Variants in SNTG1 observed in about 807,000 individuals in gnomAD.
The protein encoded by SNTG1 is gamma-1-syntrophin.
Under a neutral mutation model 74.7 loss-of-function variants are expected in SNTG1, and 39 were observed. The observed-to-expected ratio is 0.52, with a 90% confidence interval of 0.40 to 0.68. The LOEUF is 0.68. Ranked by LOEUF, SNTG1 falls within the 30% of genes least tolerant of loss-of-function variation. The pLI is 0.00. For synonymous variants in SNTG1, 254 were observed against 217.1 expected, an observed-to-expected ratio of 1.17 and a Z score of -1.49; for missense variants, 685 against 609.5, an observed-to-expected ratio of 1.12 and a Z score of -1.30.
At chr8:50,023,608 A>G (rs1817013358) in intron 1 of SNTG1, among the ~76,000 whole-genome samples, 1 of 152,126 alleles carries the variant, frequency 6.6e-6, no homozygotes, top group Admixed American at 6.6e-5. Flanking sequence ...AAATTTTAGT[A>G]GGCTGCTAAG....
intron 2 of SNTG1, among the ~76,000 whole-genome samples, chr8:50,356,955 G>T (rs1050980001): frequency 6.6e-6 from 1 of 152,190 alleles, no homozygotes; most frequent in African/African-American, 2.4e-5. Context: ...AGCTGGACAT[G>T]GGTTCTGTTT....
chr8:50,507,961 A>G (rs1194885664), intron 9 of SNTG1, among the ~76,000 whole-genome samples: 2 of 150,300 alleles, frequency 1.3e-5, no homozygotes, highest in African/African-American at 4.9e-5. Flanking sequence ...GTACATGTAC[A>G]CAACGTGCAG....
intron 2 of SNTG1, among the ~76,000 whole-genome samples, chr8:50,344,334 G>A (rs753042514): frequency 6.6e-6 from 1 of 152,180 alleles, no homozygotes; most frequent in Non-Finnish European, 1.5e-5. Context: ...ATCTCCAGCT[G>A]GAGCAAGGCT....
chr8:50,467,681 C>T (rs2093620003), intron 8 of SNTG1, among the ~76,000 whole-genome samples: 1 of 151,626 alleles, frequency 6.6e-6, no homozygotes, highest in African/African-American at 2.4e-5. Flanking sequence ...TTTCTTTTTA[C>T]TTTAGGCTTT....
rs772582940 is a variant in SNTG1, at chr8:50,402,199, T to G, written c.28-11T>G. 1 of 1,582,008 alleles carries G rather than the reference T, an allele frequency of 6.3e-7. No homozygotes were observed. Among genetic ancestry groups the G allele is most frequent in the Non-Finnish European group, 8.5e-7 (1 of 1,171,830 alleles). On this transcript the variant is annotated splice_polypyrimidine_tract_variant and intron_variant, in intron 3 of 18. Coordinates refer to ENST00000642720, the MANE Select transcript of SNTG1 (RefSeq NM_018967.5). ...ATTTTTCCTCTGTTTGTTTTTTTTT[T>G]TAATCTGAAGACAAAGACAGGAATT...
intron 1 of SNTG1, among the ~76,000 whole-genome samples, chr8:50,080,089 A>G (rs1044687283): frequency 2.6e-5 from 4 of 152,128 alleles, no homozygotes; most frequent in African/African-American, 9.7e-5. Context: ...AACACAATGT[A>G]TATTTATGGT....
intron 12 of SNTG1, among the ~76,000 whole-genome samples, chr8:50,590,140 T>C (rs537142963): frequency 6.1e-4 from 93 of 152,264 alleles, no homozygotes; most frequent in Non-Finnish European, 1.2e-3. Context: ...GATTTATAAA[T>C]GAAAATAGTC....
chr8:50,719,123 G>GA (rs1391978149), intron 17 of SNTG1, among the ~76,000 whole-genome samples: 4 of 152,056 alleles, frequency 2.6e-5, no homozygotes, highest in Non-Finnish European at 5.9e-5. Flanking sequence ...CATGTTTGCA[G>GA]AAAAAAGCAA....
intron 1 of SNTG1, among the ~76,000 whole-genome samples, chr8:50,058,093 C>T (rs143044362): frequency 6.6e-6 from 1 of 152,182 alleles, no homozygotes; most frequent in Non-Finnish European, 1.5e-5. Flanking sequence ...AATCCCAAGT[C>T]TGAAAGAGAT....
chr8:50,140,110 G>T (rs898219834), intron 1 of SNTG1, among the ~76,000 whole-genome samples: 4 of 152,298 alleles, frequency 2.6e-5, no homozygotes, highest in African/African-American at 9.6e-5. Flanking sequence ...CAGTTTATTT[G>T]ATAAAAAATA....
At chr8:50,656,444 A>G (rs918382067) in intron 13 of SNTG1, among the ~76,000 whole-genome samples, 2 of 152,140 alleles carry the variant, frequency 1.3e-5, no homozygotes, top group African/African-American at 2.4e-5. Context: ...CACAGAGGAG[A>G]AGTGGTGTGC....
At chr8:50,248,649 C>T (rs963814967) in intron 2 of SNTG1, among the ~76,000 whole-genome samples, 1 of 152,082 alleles carries the variant, frequency 6.6e-6, no homozygotes, top group Non-Finnish European at 1.5e-5. Context: ...CTATCTCTAT[C>T]TAGATATATC....
intron 14 of SNTG1, 150 bp downstream of exon 14, chr8:50,657,175 A>T (rs2095187906): frequency 2.3e-6 from 1 of 426,194 alleles, no homozygotes; most frequent in Non-Finnish European, 4.1e-6. Context: ...TAACTTACTA[A>T]AATATATATT....
intron 4 of SNTG1, among the ~76,000 whole-genome samples, chr8:50,416,839 T>A (rs886252570): frequency 2.1e-5 from 3 of 140,814 alleles, no homozygotes; most frequent in African/African-American, 7.9e-5. Context: ...ATGGATCCCA[T>A]TACCCTGCAT....
intron 2 of SNTG1, among the ~76,000 whole-genome samples, chr8:50,340,806 T>G (rs1024386494): frequency 3.6e-4 from 54 of 151,950 alleles, no homozygotes; most frequent in Non-Finnish European, 4.0e-4. Context: ...TGATGCACTC[T>G]GTAAGTCTAG....
intron 13 of SNTG1, among the ~76,000 whole-genome samples, chr8:50,651,625 T>C (rs1446430413): frequency 2.0e-5 from 3 of 150,334 alleles, no homozygotes; most frequent in African/African-American, 7.4e-5. Context: ...GCCCAACTAA[T>C]TTTGTATTTT....
At chr8:50,792,080 AT>A (rs33919155) in intron 18 of SNTG1, among the ~76,000 whole-genome samples, 16,276 of 142,696 alleles carry the variant, frequency 0.11, 1,490 homozygotes, top group African/African-American at 0.26. Flanking sequence ...GCTCTAGTTT[AT>A]TTTTTTTTTT....
chr8:50,125,132 A>G (rs2131371767), intron 1 of SNTG1, among the ~76,000 whole-genome samples: 1 of 142,440 alleles, frequency 7.0e-6, no homozygotes, highest in East Asian at 2.0e-4. Context: ...TTATGTGAAT[A>G]CAAAGCAATT....
intron 2 of SNTG1, among the ~76,000 whole-genome samples, chr8:50,208,265 A>G (rs773441743): frequency 3.3e-5 from 5 of 152,174 alleles, no homozygotes; most frequent in African/African-American, 1.2e-4. Context: ...TTGGGTGCAT[A>G]TATATTTAGG....
Sources: gnomAD v4.1 joint callset for allele counts (sites outside exome capture counted in the v4.1 genomes callset) on GRCh38, gnomAD v4.1.1 for gene constraint, MANE v1.5 for transcripts, NCBI Gene and HGNC (gene_info 2026-07-23, HGNC 2026-07-21) for gene names.